Variants in SLC25A21 observed in about 807,000 individuals in gnomAD.
SLC25A21 encodes mitochondrial 2-oxodicarboxylate carrier.
SLC25A21 carries 47 observed loss-of-function variants against 43.8 expected under a neutral mutation model. The ratio of observed to expected loss-of-function variants is 1.07; its 90% CI spans 0.85 to 1.37. SLC25A21 has a LOEUF of 1.37. SLC25A21 is among the 40% of genes most tolerant of loss of function. SLC25A21 has a pLI of 0.00. For missense variants in SLC25A21, 352 were observed against 350.2 expected (o/e 1.00, Z -0.04); for synonymous variants, 131 against 121.3 (o/e 1.08, Z -0.52).
chr14:36,982,268 G>A (rs1269279759), intron 1 of SLC25A21, among the ~76,000 whole-genome samples: 1 of 152,214 alleles, frequency 6.6e-6, no homozygotes, highest in Non-Finnish European at 1.5e-5. Flanking sequence ...ATCACAGAAA[G>A]TGTGACTCAT....
At chr14:36,854,158 C>T (rs762689544) in intron 2 of SLC25A21, among the ~76,000 whole-genome samples, 39 of 152,044 alleles carry the variant, frequency 2.6e-4, no homozygotes, top group Admixed American at 2.3e-3. Context: ...AATATAAATG[C>T]GACATGATCT....
chr14:37,129,421 A>G (rs1963355021), intron 1 of SLC25A21, among the ~76,000 whole-genome samples: 1 of 152,188 alleles, frequency 6.6e-6, no homozygotes, highest in Admixed American at 6.5e-5. Flanking sequence ...GAGAAAATGG[A>G]AAACATGATG....
At chr14:36,803,528 A>G (rs1049785229) in intron 3 of SLC25A21, among the ~76,000 whole-genome samples, 1 of 152,178 alleles carries the variant, frequency 6.6e-6, no homozygotes, top group Non-Finnish European at 1.5e-5. Flanking sequence ...AAAAAAATTT[A>G]AAAAACTAAT....
chr14:37,141,282 G>C (rs1963566048), intron 1 of SLC25A21, among the ~76,000 whole-genome samples: 1 of 152,014 alleles, frequency 6.6e-6, no homozygotes, highest in Non-Finnish European at 1.5e-5. Flanking sequence ...CAGTCCAAAA[G>C]CTGAATACCA....
At chr14:36,771,286 A>G (rs1271549228) in intron 3 of SLC25A21, among the ~76,000 whole-genome samples, 1 of 152,238 alleles carries the variant, frequency 6.6e-6, no homozygotes, top group Non-Finnish European at 1.5e-5. Flanking sequence ...CTACAACTAA[A>G]AAAAAAGATA....
intron 1 of SLC25A21, among the ~76,000 whole-genome samples, chr14:36,961,120 A>AG (rs1291849353): frequency 1.3e-5 from 2 of 151,638 alleles, no homozygotes; most frequent in Non-Finnish European, 2.9e-5. Flanking sequence ...CAATCAATTA[A>AG]AAAAGCCCAC....
Position 36,962,207 on chromosome 14 carries a change from TA to T in SLC25A21, c.71-87204del, listed in dbSNP as rs1188651675. ...TTGGTATAATGTTTTTAAATATCTT[TA>T]AAAAATTAGAGTATTTGAGGTTTAC... is the stretch of plus-strand genomic sequence containing the variant. On this transcript the variant is annotated intron_variant, in intron 1 of 9. Transcript: ENST00000331299. Among the ~76,000 whole-genome samples the T allele has an allele frequency of 4.6e-5, 7 of 152,306 alleles. No individual in the cohort carries two copies. The East Asian group carries it at 1.3e-3, about 29-fold the overall frequency.
intron 3 of SLC25A21, among the ~76,000 whole-genome samples, chr14:36,736,262 G>C (rs560580591): frequency 1.3e-5 from 2 of 152,160 alleles, no homozygotes; most frequent in East Asian, 1.9e-4. Context: ...TTAATGGATA[G>C]TGCTAGCATT....
intron 2 of SLC25A21, among the ~76,000 whole-genome samples, chr14:36,869,042 G>C (rs1386236282): frequency 1.3e-5 from 2 of 152,176 alleles, no homozygotes; most frequent in African/African-American, 4.8e-5. Flanking sequence ...AGCCTGGGGT[G>C]GTGGTGCTAT....
chr14:37,101,876 A>C (rs1954308509), intron 1 of SLC25A21, among the ~76,000 whole-genome samples: 1 of 152,178 alleles, frequency 6.6e-6, no homozygotes, highest in African/African-American at 2.4e-5. Flanking sequence ...TTGATAAAGA[A>C]GACTGTACCA....
Position 37,043,940 on chromosome 14 carries a change from G to GTTTTTGT in SLC25A21, c.70+128340_70+128341insACAAAAA, listed in dbSNP as rs1555343738. ...TGTTTTGTTTGTTTTATGTTTTTTT[G>GTTTTTGT]TTTTTTTTTTTTTTTTTGGTGGAGA... On this transcript the variant is annotated intron_variant, in intron 1 of 9. Transcript: ENST00000331299. Among the ~76,000 whole-genome samples, 258 of 56,778 alleles carry GTTTTTGT rather than the reference G, an allele frequency of 4.5e-3. 1 individual carries two copies. The highest frequency in any genetic ancestry group is 0.014 in the African/African-American group (205 of 14,460). The allele number at this position is 56,778 out of a possible 152,430, so 37.2% of individuals were successfully genotyped here. A position where few individuals can be genotyped will look rare whatever the true frequency, so the allele number is the denominator to read the frequency against.
In SLC25A21 at chr14:36,894,266, G is replaced by A. The variant is rs554082482; in HGVS notation, c.71-19262C>T. The stretch of plus-strand genomic sequence containing the variant: ...AGGAGGTCCTTCACATCCCTTGTAA[G>A]TTGGATTTCTAGGTATTTTATTCTC... On this transcript the variant is annotated intron_variant, in intron 1 of 9. Coordinates refer to ENST00000331299, the MANE Select transcript of SLC25A21 (RefSeq NM_030631.4). 4.6e-5 allele frequency among the ~76,000 whole-genome samples: 7 copies of A among 152,266 alleles called. No homozygotes were observed. In the South Asian group the frequency reaches 1.2e-3, roughly 27 times the overall value.
chr14:36,961,649 T>C (rs1455771897), intron 1 of SLC25A21, among the ~76,000 whole-genome samples: 2 of 151,996 alleles, frequency 1.3e-5, no homozygotes, highest in Non-Finnish European at 2.9e-5. Flanking sequence ...TGGTGAGGGG[T>C]AGATGGCAAC....
rs565876745 is a variant in SLC25A21, at chr14:36,941,406, G to A, written c.71-66402C>T. Among the ~76,000 whole-genome samples the A allele has an allele frequency of 5.9e-5, 9 of 152,070 alleles. No homozygotes were observed. The South Asian group carries it at 1.9e-3, about 32-fold the overall frequency. On this transcript the variant is annotated intron_variant, in intron 1 of 9. Transcript: ENST00000331299. ...AAATATAGGAGTGATTGTAGCAATA[G>A]CATTGATTGTAGCTTTAATTTACAT... is the stretch of plus-strand genomic sequence containing the variant.
At chr14:36,796,348 AATTTATTT>A (rs555283170) in intron 3 of SLC25A21, among the ~76,000 whole-genome samples, 9 of 151,262 alleles carry the variant, frequency 5.9e-5, no homozygotes, top group South Asian at 2.1e-4. Context: ...ACAGTATGGT[AATTTATTT>A]ATTTATTTAT....
chr14:36,773,629 A>G (rs1297174123), intron 3 of SLC25A21, among the ~76,000 whole-genome samples: 1 of 152,252 alleles, frequency 6.6e-6, no homozygotes, highest in Non-Finnish European at 1.5e-5. Context: ...AACAGCAAAT[A>G]TAATAGTAAC....
chr14:36,820,850 G>A lies in SLC25A21; in HGVS notation c.120-6849C>T, dbSNP rs1888600762. 2.0e-5 allele frequency among the ~76,000 whole-genome samples: 3 copies of A among 152,172 alleles called. No homozygotes were observed. The South Asian group carries it at 6.2e-4, about 32-fold the overall frequency. ...AATGTGCTATGAACAAAGATTATTA[G>A]TAATTACCTGAATATTACACGTGTT... On this transcript the variant is annotated intron_variant, in intron 2 of 9. Coordinates refer to ENST00000331299, the MANE Select transcript of SLC25A21 (RefSeq NM_030631.4).
At chr14:36,877,824 T>G (rs944351819) in intron 1 of SLC25A21, among the ~76,000 whole-genome samples, 2 of 152,136 alleles carry the variant, frequency 1.3e-5, no homozygotes, top group Non-Finnish European at 2.9e-5. Context: ...AGGCTGGAAG[T>G]GTGCAGGTGA....
At chr14:37,093,720 G>A (rs116630183) in intron 1 of SLC25A21, among the ~76,000 whole-genome samples, 1,708 of 152,224 alleles carry the variant, frequency 0.011, 26 homozygotes, top group African/African-American at 0.04. Context: ...AGTGGGGGGA[G>A]GATGAAGGAA....
Sources: gnomAD v4.1 joint callset for allele counts (sites outside exome capture counted in the v4.1 genomes callset) on GRCh38, gnomAD v4.1.1 for gene constraint, MANE v1.5 for transcripts, NCBI Gene and HGNC (gene_info 2026-07-23, HGNC 2026-07-21) for gene names.